The following GALK1 variants were observed in gnomAD, a reference collection of about 807,000 sequenced individuals.
The protein encoded by GALK1 is galactokinase.
Under a neutral mutation model 38.6 loss-of-function variants are expected in GALK1, and 30 were observed. That is an observed-to-expected ratio of 0.78 (90% CI 0.58 to 1.05). The LOEUF is 1.05. GALK1 is among the 50% of genes least tolerant of loss of function. GALK1 has a pLI of 0.00. For missense variants in GALK1, 512 were observed against 540.5 expected (o/e 0.95, Z 0.52); for synonymous variants, 240 against 233.6 (o/e 1.03, Z -0.25).
intron 8 of GALK1, chr17:75,752,132 C>G: frequency 1.2e-5 from 19 of 1,600,450 alleles, no homozygotes; most frequent in Non-Finnish European, 1.6e-5. Flanking sequence ...TGGGACCAGG[C>G]TGGGACCTGG....
At chr17:75,755,111 G>C, downstream of GALK1, 1 of 1,607,576 alleles carries the variant, frequency 6.2e-7, no homozygotes, top group South Asian at 1.1e-5. Flanking sequence ...CTGGGCCCTG[G>C]GGTCCCGGAG....
In GALK1 at chr17:75,758,108, G is replaced by C; in HGVS notation, c.1127C>G (p.Ala376Gly). The C allele has an allele frequency of 6.2e-7, 1 of 1,611,808 alleles. No homozygotes were observed. The highest frequency in any genetic ancestry group is 8.5e-7 in the Non-Finnish European group (1 of 1,179,832). The part of the protein sequence containing the change: ...RHIQEHYGGT[A>G]TFYLSQAADG... The stretch of plus-strand genomic sequence containing the variant: ...GGCTGCTTGAGAGAGGTAGAAGGTG[G>C]CAGTCCCGCCGTAGTGCTCCTGTAA... The change falls in exon 8 of 8, where the codon GCC becomes GGC. Residue 376 changes from alanine (A) to glycine (G), a missense_variant. By Grantham distance (60) the Ala-to-Gly change is moderately conservative. Transcript: ENST00000588479.
Position 75,764,289 on chromosome 17 carries a change from G to A in GALK1, c.166-203C>T, listed in dbSNP as rs555058553. 1,444 of 758,702 alleles carry A rather than the reference G, an allele frequency of 1.9e-3. 30 individuals carry two copies. Among genetic ancestry groups the A allele is most frequent in the South Asian group, 0.018 (1,307 of 73,722 alleles). 47.0% of individuals were successfully genotyped at this position (758,702 alleles called of 1,614,324 possible). A position where few individuals can be genotyped will look rare whatever the true frequency, so the allele number is the denominator to read the frequency against. On this transcript the variant is annotated intron_variant, in intron 1 of 7. Transcript: ENST00000588479. The stretch of plus-strand genomic sequence containing the variant: ...CCCTTAGGTCTTCAGGGGCGGGGCG[G>A]CTGCAGCTGGAGCACAGACCTGGAC...
intron 5 of GALK1, among the ~76,000 whole-genome samples, chr17:75,761,892 C>T (rs886347813): frequency 1.5e-4 from 22 of 151,402 alleles, no homozygotes; most frequent in Admixed American, 3.3e-4. Context: ...TAGTGGCGGG[C>T]GCCTGTAGTC....
At position 75,752,373 on chromosome 17, in the gene GALK1, G is replaced by C; in HGVS notation, c.*23-636C>G. Reference sequence around the variant, plus strand: ...CCATGTCCAGTGAGTGGTGGGCAGGGAGGTGAGGGGCAGACCGGGCAGGGG... The same window carrying C: ...CCATGTCCAGTGAGTGGTGGGCAGGCAGGTGAGGGGCAGACCGGGCAGGGG... On this transcript the variant is annotated intron_variant, in intron 8 of 8. Coordinates refer to the GALK1 transcript ENST00000225614. The C allele has an allele frequency of 6.2e-7, 1 of 1,612,606 alleles. No homozygotes were observed. Among genetic ancestry groups the C allele is most frequent in the Non-Finnish European group, 8.5e-7 (1 of 1,179,732 alleles).
intron 8 of GALK1, chr17:75,752,309 G>A (rs750917868): frequency 8.1e-6 from 13 of 1,612,960 alleles, no homozygotes; most frequent in East Asian, 2.2e-5. Context: ...GGGCCTGAGC[G>A]GGAGGCCATC....
chr17:75,758,455 G>A lies in GALK1; in HGVS notation c.938C>T (p.Ser313Leu), dbSNP rs1421530545. The change falls in exon 6 of 8, where the codon TCA (serine) becomes TTA (leucine). Residue 313 changes from serine (S) to leucine (L), a missense_variant. Coordinates refer to ENST00000588479, the MANE Select transcript of GALK1 (RefSeq NM_000154.2). Reference protein sequence around the residue: ...FGRLMVESHRSLRDDYEVSCP... With the variant: ...FGRLMVESHRLLRDDYEVSCP... ...GGCGCCCAGAGGGCCTCACCTGAGT[G>A]AGCGGTGGCTCTCCACCATGAGGCG... 2.5e-6 allele frequency: 4 copies of A among 1,574,682 alleles called. No individual in the cohort carries two copies. The highest frequency in any genetic ancestry group is 2.6e-6 in the Non-Finnish European group (3 of 1,161,412).
At chr17:75,755,943 C>T, downstream of GALK1, 1 of 1,457,052 alleles carries the variant, frequency 6.9e-7, no homozygotes, top group Non-Finnish European at 9.3e-7. Flanking sequence ...GTCAGGAACC[C>T]ACCCAAGTCC....
chr17:75,756,445 C>G (rs148827335), downstream of GALK1: 1 of 1,613,336 alleles, frequency 6.2e-7, no homozygotes, highest in Non-Finnish European at 8.5e-7. Context: ...TGCATCGGCT[C>G]AACATCCCCA....
At chr17:75,756,388 G>A, downstream of GALK1, 1 of 1,608,562 alleles carries the variant, frequency 6.2e-7, no homozygotes, top group Non-Finnish European at 8.5e-7. Flanking sequence ...AGGGGTGGGA[G>A]TAACACTGCA....
rs767851895 is a variant in GALK1 at position 75,758,140 on chromosome 17, G to A, written c.1108-13C>T. The A allele has an allele frequency of 6.2e-7, 1 of 1,612,430 alleles. No individual in the cohort carries two copies. Among genetic ancestry groups the A allele is most frequent in the Non-Finnish European group, 8.5e-7 (1 of 1,179,828 alleles). On this transcript the variant is annotated splice_polypyrimidine_tract_variant and intron_variant, in intron 7 of 7. Transcript: ENST00000588479. ...CGCCGTAGTGCTCCTGTAAGAGGCG[G>A]GCTGGGGGTGAGTGGCAGGGCCCCG...
chr17:75,757,300 C>T, downstream of GALK1: 2 of 1,612,396 alleles, frequency 1.2e-6, no homozygotes, highest in Non-Finnish European at 1.7e-6. Context: ...CCACCGAGCC[C>T]TTCCTAGTGG....
chr17:75,763,908 T>G lies in GALK1; in HGVS notation c.344A>C (p.Gln115Pro), dbSNP rs1381046044. The G allele has an allele frequency of 4.3e-6, 7 of 1,613,808 alleles. No individual in the cohort carries two copies. The highest frequency in any genetic ancestry group is 1.7e-5 in the Admixed American group (1 of 60,000). The change falls in exon 2 of 8, where the codon CAG (glutamine) becomes CCG (proline). Residue 115 changes from glutamine to proline, a missense_variant. Transcript: ENST00000588479. ...RWANYVKGVI[Q>P]YYPAAPLPGF... ...CCTGGGCCCCATACCTGGGTAGTAC[T>G]GAATCACTCCCTTGACATAGTTGGC... is the stretch of plus-strand genomic sequence containing the variant.
rs781276567 is a variant in GALK1 at position 75,758,504 on chromosome 17, G to A, written c.889C>T (p.Arg297Cys). The change falls in exon 6 of 8, where the codon CGT (arginine) becomes TGT (cysteine). Residue 297 changes from arginine to cysteine, a missense_variant. Transcript: ENST00000588479. ...CGGCCAAAGGCTCTGTAGTCGCCAC[G>A]TCTCAGGGCGGCCGCTGCCTGGGCC... ...RTAQAAAALR[R>C]GDYRAFGRLM... The A allele has an allele frequency of 9.5e-6, 15 of 1,579,622 alleles. No homozygotes were observed. The South Asian group carries it at 1.4e-4, about 15-fold the overall frequency.
intron 5 of GALK1, among the ~76,000 whole-genome samples, chr17:75,761,336 C>T (rs950259306): frequency 7.2e-5 from 11 of 151,946 alleles, no homozygotes; most frequent in African/African-American, 1.4e-4. Context: ...AAGAGCCACA[C>T]GGAGGCCAGG....
At chr17:75,760,861 A>G (rs1321362570) in intron 5 of GALK1, among the ~76,000 whole-genome samples, 2 of 152,136 alleles carry the variant, frequency 1.3e-5, no homozygotes, top group Admixed American at 6.6e-5. Context: ...CTTGAGCCCA[A>G]GAGTTCAGGT....
At chr17:75,764,785 G>A in intron 1 of GALK1, 187 bp downstream of exon 1, 1 of 685,840 alleles carries the variant, frequency 1.5e-6, no homozygotes, top group East Asian at 2.7e-5. Context: ...CCACTTCCTC[G>A]CTTCCTCCCT....
rs536478616 is a variant in GALK1 at position 75,758,221 on chromosome 17, G to A, written c.1096C>T (p.Arg366Trp). 8.7e-5 allele frequency: 140 copies of A among 1,605,050 alleles called. No individual in the cohort carries two copies. Among genetic ancestry groups the A allele is most frequent in the Middle Eastern group, 1.7e-4 (1 of 6,056 alleles). ...LEASAAPHAM[R>W]HIQEHYGGTA... ...TGGTGCCCGCCCACCTGGATGTGCC[G>A]CATGGCGTGGGGAGCAGCGGAGGCC... Residue 366 changes from arginine to tryptophan, a missense_variant, in exon 7 of 8, where the codon CGG becomes TGG. Transcript: ENST00000588479.
At chr17:75,756,534 A>G, downstream of GALK1, 1 of 1,613,298 alleles carries the variant, frequency 6.2e-7, no homozygotes, top group Non-Finnish European at 8.5e-7. Context: ...GCCCAGAGCC[A>G]GGAAGGCTGG....
Sources: allele counts gnomAD v4.1 joint callset (sites outside exome capture counted in the v4.1 genomes callset), GRCh38; gene constraint gnomAD v4.1.1; transcripts MANE v1.5; gene names NCBI Gene and HGNC (gene_info 2026-07-23, HGNC 2026-07-21).